DENND2A: variants seen among roughly 807,000 people sequenced by gnomAD.
The protein encoded by DENND2A is DENN domain-containing protein 2A.
A neutral mutation model predicts 105.3 loss-of-function variants in DENND2A; 53 were observed. The observed-to-expected ratio is 0.50, with a 90% confidence interval of 0.40 to 0.63. DENND2A has a LOEUF of 0.63. Among genes scored for constraint, DENND2A ranks in the 30% least tolerant of loss-of-function variants. DENND2A has a pLI of 0.00. For missense variants in DENND2A, 1,138 were observed against 1,279.6 expected, an observed-to-expected ratio of 0.89 and a Z score of 1.69; for synonymous variants, 522 against 508.4, an observed-to-expected ratio of 1.03 and a Z score of -0.36.
chr7:140,629,563 G>A (rs1800660515), intron 1 of DENND2A, among the ~76,000 whole-genome samples: 1 of 152,186 alleles, frequency 6.6e-6, no homozygotes, highest in Non-Finnish European at 1.5e-5. Context: ...AGGAGTGAAG[G>A]TTTGCTAACC....
intron 14 of DENND2A, among the ~76,000 whole-genome samples, chr7:140,538,129 T>G (rs1297071206): frequency 1.3e-5 from 2 of 152,194 alleles, no homozygotes; most frequent in African/African-American, 4.8e-5. Context: ...TGGCTCAACT[T>G]AAAACCCTTT....
Position 140,602,278 on chromosome 7 carries a change from C to T in DENND2A, c.120G>A (p.Arg40=), listed in dbSNP as rs771940915. 1 of 1,611,378 alleles carries T rather than the reference C, an allele frequency of 6.2e-7. No individual in the cohort carries two copies. Residue 40 remains arginine (R), a synonymous_variant, in exon 3 of 20, where the codon CGG becomes CGA. Coordinates refer to ENST00000496613, the MANE Select transcript of DENND2A (RefSeq NM_015689.5). Reference sequence around the variant, plus strand: ...TGTCCTTTATGTTGAGGGACTTGTGCCGGGGTCTGGCTCTGGCAGATGGGC... The same window carrying T: ...TGTCCTTTATGTTGAGGGACTTGTGTCGGGGTCTGGCTCTGGCAGATGGGC... ...NPCPSARARP[R]HKSLNIKDKI...
chr7:140,538,177 T>TATGGCAC (rs1269783941), intron 14 of DENND2A, among the ~76,000 whole-genome samples: 1 of 152,184 alleles, frequency 6.6e-6, no homozygotes, highest in Non-Finnish European at 1.5e-5. Context: ...TCCCTGAAGC[T>TATGGCAC]TCCTCTTGCA....
At position 140,528,437 on chromosome 7, in the gene DENND2A, G is replaced by A. The variant is rs560342439; in HGVS notation, c.2328-942C>T. ...CCAAGTGAAGCTCATATACAGTTGAGCCTTACCCAGAATTCTGGTCAAAGA... is the reference window on the plus strand; with the variant it reads ...CCAAGTGAAGCTCATATACAGTTGAACCTTACCCAGAATTCTGGTCAAAGA... On this transcript the variant is annotated intron_variant, in intron 14 of 19. Transcript: ENST00000496613. Among the ~76,000 whole-genome samples the A allele has an allele frequency of 4.6e-5, 7 of 152,246 alleles. No individual in the cohort carries two copies. The East Asian group carries it at 7.7e-4, about 17-fold the overall frequency.
At chr7:140,630,732 A>G (rs1389129721) in intron 1 of DENND2A, among the ~76,000 whole-genome samples, 1 of 152,162 alleles carries the variant, frequency 6.6e-6, no homozygotes, top group Non-Finnish European at 1.5e-5. Context: ...ATGGTGGCAC[A>G]CACCTGTAAT....
At chr7:140,594,386 G>C (rs1388193078) in intron 3 of DENND2A, among the ~76,000 whole-genome samples, 2 of 152,162 alleles carry the variant, frequency 1.3e-5, no homozygotes, top group Non-Finnish European at 2.9e-5. Context: ...CCTCTGACAT[G>C]ATGCAGTCTT....
chr7:140,539,740 C>A (rs1298710133), intron 14 of DENND2A, among the ~76,000 whole-genome samples: 1 of 152,268 alleles, frequency 6.6e-6, no homozygotes, highest in South Asian at 2.1e-4. Flanking sequence ...AGAGGCCACT[C>A]CACGCCCCGT....
chr7:140,539,652 A>T (rs1324872054), intron 14 of DENND2A, among the ~76,000 whole-genome samples: 1 of 152,058 alleles, frequency 6.6e-6, no homozygotes, highest in Non-Finnish European at 1.5e-5. Flanking sequence ...CCTGTTAGTT[A>T]CCCATGTGAC....
intron 6 of DENND2A, among the ~76,000 whole-genome samples, chr7:140,570,649 T>C (rs756662371): frequency 4.6e-5 from 7 of 152,138 alleles, no homozygotes; most frequent in South Asian, 4.1e-4. Flanking sequence ...AACACACACA[T>C]GCAGTGTGCA....
intron 14 of DENND2A, among the ~76,000 whole-genome samples, chr7:140,538,604 T>C (rs532684211): frequency 6.6e-6 from 1 of 152,128 alleles, no homozygotes; most frequent in African/African-American, 2.4e-5. Context: ...CCTCCCAGGT[T>C]TAAGTGATTC....
intron 9 of DENND2A, among the ~76,000 whole-genome samples, chr7:140,562,185 G>A (rs974033230): frequency 6.6e-6 from 1 of 151,734 alleles, no homozygotes; most frequent in Non-Finnish European, 1.5e-5. Flanking sequence ...ACCGCGCCCG[G>A]CCCGAGCTCC....
intron 9 of DENND2A, among the ~76,000 whole-genome samples, chr7:140,560,321 G>GTGACACCATTCAGCC (rs1797563365): frequency 6.6e-6 from 1 of 152,150 alleles, no homozygotes; most frequent in Admixed American, 6.6e-5. Flanking sequence ...AGAAGGAAGC[G>GTGACACCATTCAGCC]TGACACCATC....
chr7:140,546,989 G>A (rs1339426224), intron 12 of DENND2A, 50 bp from the exon 13 acceptor site: 1 of 1,589,264 alleles, frequency 6.3e-7, no homozygotes. Flanking sequence ...AAAGCACCAA[G>A]GTGGAGCTCA....
At chr7:140,629,282 T>C (rs1394923095) in intron 1 of DENND2A, among the ~76,000 whole-genome samples, 1 of 152,002 alleles carries the variant, frequency 6.6e-6, no homozygotes, top group Non-Finnish European at 1.5e-5. Context: ...AAATATAAAC[T>C]GGAGAAATTT....
At chr7:140,592,629 T>G (rs1799109233) in intron 3 of DENND2A, among the ~76,000 whole-genome samples, 1 of 151,592 alleles carries the variant, frequency 6.6e-6, no homozygotes, top group Non-Finnish European at 1.5e-5. Context: ...AGACAGAGTC[T>G]GGCTCTGTCG....
chr7:140,522,045 G>A lies in DENND2A; in HGVS notation c.2721C>T (p.Phe907=), dbSNP rs377365858. The part of the protein sequence containing the change: ...EVVSEAFVRF[F]VEIVGHYSLF... ...AAGAGTAGTGTCCCACAATCTCCAC[G>A]AAGAAGCGGACAAAGGCTTCAGACA... The change falls in exon 18 of 20, where the codon TTC becomes TTT. Residue 907 remains phenylalanine (F), a synonymous_variant. Coordinates refer to ENST00000496613, the MANE Select transcript of DENND2A (RefSeq NM_015689.5). 40 of 1,614,054 alleles carry A rather than the reference G, an allele frequency of 2.5e-5. No homozygotes were observed. Among genetic ancestry groups the A allele is most frequent in the South Asian group, 1.4e-4 (13 of 91,082 alleles).
At chr7:140,614,873 T>A (rs1224894496) in intron 1 of DENND2A, among the ~76,000 whole-genome samples, 2 of 151,346 alleles carry the variant, frequency 1.3e-5, no homozygotes, top group Non-Finnish European at 2.9e-5. Context: ...CAAACAAAAA[T>A]TTTTTTTTGA....
intron 1 of DENND2A, among the ~76,000 whole-genome samples, chr7:140,622,783 G>A (rs368734687): frequency 5.9e-5 from 9 of 151,984 alleles, no homozygotes; most frequent in African/African-American, 1.9e-4. Flanking sequence ...TGTTGCCCAG[G>A]CTGGTCTAGA....
At chr7:140,624,973 T>C (rs1800463032) in intron 1 of DENND2A, among the ~76,000 whole-genome samples, 1 of 151,890 alleles carries the variant, frequency 6.6e-6, no homozygotes, top group Non-Finnish European at 1.5e-5. Flanking sequence ...TCTTCCTGCT[T>C]CTGCCTCCCA....
Sources: gnomAD v4.1 joint callset for allele counts (sites outside exome capture counted in the v4.1 genomes callset) on GRCh38, gnomAD v4.1.1 for gene constraint, MANE v1.5 for transcripts, NCBI Gene and HGNC (gene_info 2026-07-23, HGNC 2026-07-21) for gene names.